Variants in RIC8B observed in about 807,000 individuals in gnomAD.
RIC8B encodes the protein RIC8 guanine nucleotide exchange factor B.
Under a neutral mutation model 57.5 loss-of-function variants are expected in RIC8B, and 16 were observed. The ratio of observed to expected loss-of-function variants is 0.28; its 90% CI spans 0.19 to 0.42. The LOEUF is 0.42. Ranked by LOEUF, RIC8B falls within the 10% of genes least tolerant of loss-of-function variation. The probability of loss-of-function intolerance (pLI) is 1.00; values close to 1 mark genes in which losing one functional copy is unlikely to be tolerated. For missense variants in RIC8B, 481 were observed against 677.0 expected (o/e 0.71, Z 3.21); for synonymous variants, 216 against 250.8 (o/e 0.86, Z 1.31).
chr12:106,842,180 A>C (rs564142826), intron 4 of RIC8B, among the ~76,000 whole-genome samples: 1 of 152,298 alleles, frequency 6.6e-6, no homozygotes, highest in South Asian at 2.1e-4. Context: ...GTGTTTCTCA[A>C]ATGCTTTATG....
chr12:106,866,938 CTTTGG>C (rs1190763145), intron 8 of RIC8B, among the ~76,000 whole-genome samples: 1 of 152,142 alleles, frequency 6.6e-6, no homozygotes, highest in East Asian at 1.9e-4. Flanking sequence ...GTATAAGCTC[CTTTGG>C]TTTGACAGAT....
intron 4 of RIC8B, among the ~76,000 whole-genome samples, chr12:106,835,339 G>A (rs2046548363): frequency 1.3e-5 from 2 of 152,106 alleles, no homozygotes; most frequent in African/African-American, 4.8e-5. Context: ...TTAGGTTTAG[G>A]AACCTGTTTT....
chr12:106,779,642 A>G (rs2043658308), intron 1 of RIC8B, among the ~76,000 whole-genome samples: 2 of 151,866 alleles, frequency 1.3e-5, no homozygotes, highest in South Asian at 4.2e-4. Context: ...AGAAAAAAAA[A>G]AGCCTGCACT....
rs144718130 is a variant in RIC8B at position 106,815,141 on chromosome 12, C to T, written c.578C>T (p.Thr193Met). The T allele has an allele frequency of 7.1e-3, 11,469 of 1,614,216 alleles. 73 individuals are homozygous for T. Among genetic ancestry groups the T allele is most frequent in the Non-Finnish European group, 7.7e-3 (9,099 of 1,180,038 alleles). Residue 193 changes from threonine (T) to methionine (M), a missense_variant, in exon 3 of 10, where the codon ACG (threonine) becomes ATG (methionine). By Grantham distance (81) the Thr-to-Met change is moderately conservative (BLOSUM62 -1). This residue lies in a region of RIC8B where 421 missense variants were observed against 560.9 expected (regional missense o/e 0.75). Coordinates refer to ENST00000392837, the MANE Select transcript of RIC8B (RefSeq NM_001330145.2). The part of the protein sequence containing the change: ...RYELQGLPLL[T>M]QILESAFSIK... ...GAGCTCCAGGGACTACCGCTGCTAA[C>T]GCAGATCTTGGAAAGTGCCTTTAGC...
chr12:106,798,346 T>G (rs915544184), intron 2 of RIC8B, among the ~76,000 whole-genome samples: 7 of 152,026 alleles, frequency 4.6e-5, no homozygotes, highest in Admixed American at 3.9e-4. Flanking sequence ...TCTCAACTCC[T>G]CTATTTGTAG....
In RIC8B at chr12:106,797,901, G is replaced by A. The variant is rs111753314; in HGVS notation, c.132+13857G>A. 772 of 563,138 alleles carry A rather than the reference G, an allele frequency of 1.4e-3. 3 individuals are homozygous for A. The highest frequency in any genetic ancestry group is 0.013 in the African/African-American group (672 of 51,942). 34.9% of individuals were successfully genotyped at this position (563,138 alleles called of 1,614,324 possible). A position where few individuals can be genotyped will look rare whatever the true frequency, so the allele number is the denominator to read the frequency against. ...GGCTCCAAGACCCGTGTGCTACACC[G>A]TACTGCCGCTCATTAATAATTGGAT... On this transcript the variant is annotated intron_variant, in intron 2 of 9. Transcript: ENST00000392837.
At chr12:106,786,752 TGTA>T in intron 2 of RIC8B, among the ~76,000 whole-genome samples, 1 of 151,940 alleles carries the variant, frequency 6.6e-6, no homozygotes, top group South Asian at 2.1e-4. Flanking sequence ...AATATTATGA[TGTA>T]GTAGAAAGAG....
intron 4 of RIC8B, among the ~76,000 whole-genome samples, chr12:106,831,767 G>T (rs779104051): frequency 6.6e-6 from 1 of 152,174 alleles, no homozygotes; most frequent in Non-Finnish European, 1.5e-5. Context: ...TTCTGAATGA[G>T]GGAAACCATC....
At chr12:106,839,753 C>T (rs2046783980) in intron 4 of RIC8B, among the ~76,000 whole-genome samples, 1 of 152,176 alleles carries the variant, frequency 6.6e-6, no homozygotes. Context: ...CAGTGGCTCA[C>T]GCCTGTAATT....
intron 6 of RIC8B, among the ~76,000 whole-genome samples, chr12:106,846,692 T>G (rs1480507160): frequency 6.6e-6 from 1 of 150,524 alleles, no homozygotes; most frequent in Non-Finnish European, 1.5e-5. Flanking sequence ...ACCTAAACTG[T>G]TTAGATTTTG....
rs2044831408 is a variant in RIC8B at position 106,803,221 on chromosome 12, A to AAT, written c.133-11474_133-11473insTA. ...GAGTGATGATACCCTGTCTCAAAAAAAAAAAAAAAAAAAAAAAGCAAGTTT... is the reference window on the plus strand; with the variant it reads ...GAGTGATGATACCCTGTCTCAAAAAAATAAAAAAAAAAAAAAAAAGCAAGTTT... On this transcript the variant is annotated intron_variant, in intron 2 of 9. Coordinates refer to ENST00000392837, the MANE Select transcript of RIC8B (RefSeq NM_001330145.2). Among the ~76,000 whole-genome samples, 3 of 147,742 alleles carry AAT rather than the reference A, an allele frequency of 2.0e-5. 1 individual carries two copies. The highest frequency in any genetic ancestry group is 6.7e-5 in the Admixed American group (1 of 15,000).
intron 2 of RIC8B, among the ~76,000 whole-genome samples, chr12:106,784,500 G>A (rs571142559): frequency 6.6e-6 from 1 of 152,318 alleles, no homozygotes; most frequent in Non-Finnish European, 1.5e-5. Flanking sequence ...AGTAGCTAGA[G>A]CTACAGGCAC....
At chr12:106,878,097 A>G (rs1950749212) in intron 9 of RIC8B, among the ~76,000 whole-genome samples, 1 of 152,150 alleles carries the variant, frequency 6.6e-6, no homozygotes, top group South Asian at 2.1e-4. Flanking sequence ...AGGATCTCAG[A>G]ATCCTTTCAA....
In RIC8B at chr12:106,887,993, C is replaced by T. The variant is rs1951251610; in HGVS notation, c.*1978C>T. 1 of 152,532 alleles carries T rather than the reference C, an allele frequency of 6.6e-6. No homozygotes were observed. The highest frequency in any genetic ancestry group is 2.1e-4 in the South Asian group (1 of 4,806). The allele number at this position is 152,532 out of a possible 1,614,324, so 9.4% of individuals were successfully genotyped here. ...TTTAACCAACAGCAAAAGAAATGGG[C>T]AATTCATAATTTTAGATTAAGTGAA... On this transcript the variant is annotated 3_prime_UTR_variant, in exon 10 of 10. Transcript: ENST00000392837.
At chr12:106,854,442 T>C (rs1949628064) in intron 7 of RIC8B, among the ~76,000 whole-genome samples, 1 of 152,192 alleles carries the variant, frequency 6.6e-6, no homozygotes, top group Admixed American at 6.6e-5. Context: ...GTCAGACCAC[T>C]AAGTAGAGAC....
chr12:106,780,477 T>C (rs974021309), intron 1 of RIC8B, among the ~76,000 whole-genome samples: 1 of 152,208 alleles, frequency 6.6e-6, no homozygotes, highest in Non-Finnish European at 1.5e-5. Context: ...TCTATAAATA[T>C]AGCCTCTACA....
At chr12:106,861,753 T>A (rs1949944796) in intron 8 of RIC8B, among the ~76,000 whole-genome samples, 1 of 152,134 alleles carries the variant, frequency 6.6e-6, no homozygotes, top group South Asian at 2.1e-4. Flanking sequence ...TTAATATTGA[T>A]ATCTCTTGAT....
rs1308102614 is a variant in RIC8B, at chr12:106,828,365, T to C, written c.836+2545T>C. Among the ~76,000 whole-genome samples, 3 of 152,200 alleles carry C rather than the reference T, an allele frequency of 2.0e-5. No homozygotes were observed. In the East Asian group the frequency reaches 5.8e-4, roughly 29 times the overall value. ...GAAAATGGCACTAACCTCAAAGTGC[T>C]ATTTTAGGAAGCTTCTGTAGTGATC... On this transcript the variant is annotated intron_variant, in intron 4 of 9. Coordinates refer to ENST00000392837, the MANE Select transcript of RIC8B (RefSeq NM_001330145.2).
intron 3 of RIC8B, among the ~76,000 whole-genome samples, chr12:106,819,084 A>G (rs1026810569): frequency 2.0e-5 from 3 of 152,174 alleles, no homozygotes; most frequent in African/African-American, 4.8e-5. Context: ...CTTTTTAACT[A>G]TTCTTCATTG....
Sources: gnomAD v4.1 joint callset for allele counts (sites outside exome capture counted in the v4.1 genomes callset) on GRCh38, gnomAD v4.1.1 for gene constraint, gnomAD v4.1.1 regional missense constraint, MANE v1.5 for transcripts, NCBI Gene and HGNC (gene_info 2026-07-23, HGNC 2026-07-21) for gene names.